Variants in RNF149 observed in about 807,000 individuals in gnomAD.
The protein encoded by RNF149 is ring finger protein 149.
A neutral mutation model predicts 39.0 loss-of-function variants in RNF149; 21 were observed. That is an observed-to-expected ratio of 0.54 (90% CI 0.38 to 0.77). The LOEUF (loss-of-function observed/expected upper bound fraction) is 0.77. Among genes scored for constraint, RNF149 ranks in the 30% least tolerant of loss-of-function variants. The pLI is 0.00. For missense variants in RNF149, 493 were observed against 534.9 expected (o/e 0.92, Z 0.77); for synonymous variants, 209 against 213.6 (o/e 0.98, Z 0.19).
Position 101,282,025 on chromosome 2 carries a change from A to C in RNF149, c.993T>G (p.Ala331=), listed in dbSNP as rs1281516607. The change falls in exon 6 of 7, where the codon GCT becomes GCG. Residue 331 remains alanine, a synonymous_variant. Coordinates refer to ENST00000295317, the MANE Select transcript of RNF149 (RefSeq NM_173647.4). ...GATCCCTTCCAGGAGGAGATTCTGG[A>C]GCAGGCATCTCCTGTACATCCCCAG... ...GEPGDVQEMP[A]PESPPGRDPA... 6.2e-7 allele frequency: 1 copy of C among 1,613,978 alleles called. No individual in the cohort carries two copies. Among genetic ancestry groups the C allele is most frequent in the Admixed American group, 1.7e-5 (1 of 60,004 alleles).
intron 1 of RNF149, among the ~76,000 whole-genome samples, chr2:101,306,492 C>G (rs1683664788): frequency 6.6e-6 from 1 of 152,198 alleles, no homozygotes; most frequent in African/African-American, 2.4e-5. Context: ...CCAGTGCCAC[C>G]ACATGGACAT....
Position 101,282,152 on chromosome 2 carries a change from C to T in RNF149, c.961-95G>A, listed in dbSNP as rs914695443. The T allele has an allele frequency of 6.0e-5, 91 of 1,515,666 alleles. No individual in the cohort carries two copies. In the African/African-American group the frequency reaches 8.0e-4, roughly 13 times the overall value. 93.9% of individuals were successfully genotyped at this position (1,515,666 alleles called of 1,614,324 possible). On this transcript the variant is annotated intron_variant, in intron 5 of 6. Transcript: ENST00000295317. The stretch of plus-strand genomic sequence containing the variant: ...GGCTCGTAATTCACACACAATATTA[C>T]GTACTTCTGTACAATGAATCTGGCA...
downstream of RNF149, among the ~76,000 whole-genome samples, chr2:101,272,379 T>C (rs541888366): frequency 2.8e-4 from 43 of 152,306 alleles, no homozygotes; most frequent in African/African-American, 9.6e-4. Flanking sequence ...AGAGGGCAAG[T>C]CTCCAGCTGC....
At chr2:101,286,364 G>A (rs1682793418) in intron 4 of RNF149, 187 bp from the exon 5 acceptor site, 1 of 440,910 alleles carries the variant, frequency 2.3e-6, no homozygotes. Flanking sequence ...GCACTTCTAG[G>A]GAAATTTTCC....
At chr2:101,306,288 G>C (rs1683656835) in intron 1 of RNF149, among the ~76,000 whole-genome samples, 1 of 152,222 alleles carries the variant, frequency 6.6e-6, no homozygotes, top group African/African-American at 2.4e-5. Context: ...CCCAGCATCA[G>C]AGAATCAATG....
At chr2:101,274,746 G>A (rs894296281), downstream of RNF149, among the ~76,000 whole-genome samples, 1 of 152,214 alleles carries the variant, frequency 6.6e-6, no homozygotes, top group South Asian at 2.1e-4. Flanking sequence ...TAGCTACTGG[G>A]AAGAATGACT....
downstream of RNF149, among the ~76,000 whole-genome samples, chr2:101,275,385 G>A (rs1186655363): frequency 2.7e-5 from 4 of 147,428 alleles, no homozygotes; most frequent in African/African-American, 1.0e-4. Context: ...CCAAAGTGCT[G>A]GGATTACAGG....
At chr2:101,274,668 A>C (rs1419397004), downstream of RNF149, among the ~76,000 whole-genome samples, 1 of 152,254 alleles carries the variant, frequency 6.6e-6, no homozygotes, top group Non-Finnish European at 1.5e-5. Context: ...CATGGCTGGA[A>C]GCAGGGGGCC....
chr2:101,282,183 C>T lies in RNF149; in HGVS notation c.961-126G>A, dbSNP rs539727363. 1.1e-4 allele frequency: 145 copies of T among 1,363,718 alleles called. 2 individuals are homozygous for T. In the South Asian group the frequency reaches 2.0e-3, roughly 19 times the overall value. The allele number at this position is 1,363,718 out of a possible 1,614,324, so 84.5% of individuals were successfully genotyped here. A position where few individuals can be genotyped will look rare whatever the true frequency, so the allele number is the denominator to read the frequency against. On this transcript the variant is annotated intron_variant, in intron 5 of 6. Transcript: ENST00000295317. ...TCTGTACAATGAATCTGGCAAAAAG[C>T]ACATCAATGTCTCCCTTATCTAGTA...
rs1683123150 is a variant in RNF149, at chr2:101,294,049, G to T, written c.745C>A (p.Gln249Lys). 6 of 1,587,972 alleles carry T rather than the reference G, an allele frequency of 3.8e-6. No individual in the cohort carries two copies. Among genetic ancestry groups the T allele is most frequent in the Non-Finnish European group, 5.2e-6 (6 of 1,157,532 alleles). The change falls in exon 3 of 7, where the codon CAG becomes AAG. Residue 249 changes from glutamine to lysine, a missense_variant. Gln to Lys is a moderately conservative substitution (Grantham distance 53, BLOSUM62 1). Transcript: ENST00000295317. ...TGCTTTACAGTATGAAGTAGAAGCT[G>T]GCCAATAACTTTCTTAGTTTCTTTT... The part of the protein sequence containing the change: ...HRKETKKVIG[Q>K]LLLHTVKHGE...
chr2:101,286,062 A>G lies in RNF149; in HGVS notation c.960+19T>C. On this transcript the variant is annotated intron_variant, in intron 5 of 6. Transcript: ENST00000295317. ...AAGAACTGGGGCAGAGATTGAATAT[A>G]AACAAAAATGTAACAAACCCAATAT... The G allele has an allele frequency of 1.4e-6, 2 of 1,471,138 alleles. No individual in the cohort carries two copies. Among genetic ancestry groups the G allele is most frequent in the Non-Finnish European group, 1.9e-6 (2 of 1,053,126 alleles). The allele number at this position is 1,471,138 out of a possible 1,614,324, so 91.1% of individuals were successfully genotyped here. A position where few individuals can be genotyped will look rare whatever the true frequency, so the allele number is the denominator to read the frequency against.
chr2:101,285,140 C>T (rs949115627), intron 5 of RNF149, among the ~76,000 whole-genome samples: 12 of 152,106 alleles, frequency 7.9e-5, no homozygotes, highest in Middle Eastern at 3.4e-3. Context: ...TCAAGTGATC[C>T]GCCCGCCTCA....
At chr2:101,301,567 A>C (rs1414449354) in intron 1 of RNF149, among the ~76,000 whole-genome samples, 1 of 152,062 alleles carries the variant, frequency 6.6e-6, no homozygotes, top group Non-Finnish European at 1.5e-5. Flanking sequence ...CATCCTCCCA[A>C]AGTGCTAGGA....
At chr2:101,293,987 A>G (rs566755004) in intron 3 of RNF149, 27 bp downstream of exon 3, 3 of 1,386,148 alleles carry the variant, frequency 2.2e-6, no homozygotes, top group East Asian at 2.3e-5. Flanking sequence ...AAACCACAAA[A>G]CAAAAGAAAA....
intron 1 of RNF149, among the ~76,000 whole-genome samples, chr2:101,297,850 C>T (rs1391791550): frequency 6.6e-6 from 1 of 152,190 alleles, no homozygotes; most frequent in Non-Finnish European, 1.5e-5. Flanking sequence ...CAGTCACTCT[C>T]TCCCTGCAAA....
At chr2:101,302,930 T>G (rs1683509869) in intron 1 of RNF149, among the ~76,000 whole-genome samples, 1 of 151,186 alleles carries the variant, frequency 6.6e-6, no homozygotes. Flanking sequence ...CAGCGAGCTA[T>G]GATGGTGCCA....
intron 1 of RNF149, among the ~76,000 whole-genome samples, chr2:101,295,640 G>A (rs1251183235): frequency 5.5e-5 from 8 of 144,740 alleles, no homozygotes; most frequent in South Asian, 4.3e-4. Flanking sequence ...CAGCCCGGGC[G>A]ACAGTGCGAG....
intron 1 of RNF149, among the ~76,000 whole-genome samples, chr2:101,299,639 T>C (rs551432182): frequency 2.6e-5 from 4 of 152,352 alleles, no homozygotes; most frequent in Non-Finnish European, 4.4e-5. Flanking sequence ...CGAAGTCTCA[T>C]GTTCCCACCT....
At chr2:101,307,863 T>C (rs1573274303) in intron 1 of RNF149, 2 of 985,342 alleles carry the variant, frequency 2.0e-6, no homozygotes, top group East Asian at 1.1e-4. Context: ...CAAGCCTCCT[T>C]CTGTGGATTT....
Sources: allele counts gnomAD v4.1 joint callset (sites outside exome capture counted in the v4.1 genomes callset), GRCh38; gene constraint gnomAD v4.1.1; transcripts MANE v1.5; gene names NCBI Gene and HGNC (gene_info 2026-07-23, HGNC 2026-07-21).